The following LCLAT1 variants were observed in gnomAD, a reference collection of about 807,000 sequenced individuals.
LCLAT1 encodes the protein lysocardiolipin acyltransferase 1, also known as 1-AGP acyltransferase 8.
Under a neutral mutation model 30.7 loss-of-function variants are expected in LCLAT1, and 11 were observed. The observed-to-expected ratio is 0.36, with a 90% confidence interval of 0.23 to 0.59. The LOEUF (loss-of-function observed/expected upper bound fraction) is 0.59. Ranked by LOEUF, LCLAT1 falls within the 20% of genes least tolerant of loss-of-function variation. The pLI, the probability that LCLAT1 is intolerant of heterozygous loss-of-function variation, is 0.77. For missense variants in LCLAT1, 402 were observed against 458.6 expected (o/e 0.88, Z 1.13); for synonymous variants, 155 against 151.3 (o/e 1.02, Z -0.18).
chr2:30,450,780 G>T (rs1357414968), intron 1 of LCLAT1, among the ~76,000 whole-genome samples: 1 of 152,280 alleles, frequency 6.6e-6, no homozygotes, highest in East Asian at 1.9e-4. Context: ...GCAAATAAAG[G>T]ACTAGTGCCT....
At chr2:30,617,797 GGT>G (rs376321480) in intron 5 of LCLAT1, among the ~76,000 whole-genome samples, 2 of 152,050 alleles carry the variant, frequency 1.3e-5, no homozygotes, top group African/African-American at 4.8e-5. Flanking sequence ...TACCTTCACT[GGT>G]GATATGTTAA....
intron 5 of LCLAT1, among the ~76,000 whole-genome samples, chr2:30,602,735 T>TGGTGTAAAGTTTA (rs70962284): frequency 0.24 from 36,102 of 151,932 alleles, 5,225 homozygotes; most frequent in East Asian, 0.52. Flanking sequence ...GTGTTTCTAA[T>TGGTGTAAAGTTTA]GGTGTAAAGT....
chr2:30,637,680 C>T (rs1669101837), intron 5 of LCLAT1, among the ~76,000 whole-genome samples: 1 of 152,138 alleles, frequency 6.6e-6, no homozygotes. Flanking sequence ...CGGGTTCAAG[C>T]AATTCTCCTG....
At chr2:30,476,600 A>G (rs968935443) in intron 1 of LCLAT1, 1 of 447,866 alleles carries the variant, frequency 2.2e-6, no homozygotes, top group African/African-American at 2.0e-5. Flanking sequence ...GTCTCAGGAA[A>G]ACAAGCTCAG....
intron 5 of LCLAT1, among the ~76,000 whole-genome samples, chr2:30,613,421 T>C (rs1218529018): frequency 4.6e-5 from 7 of 151,830 alleles, no homozygotes; most frequent in African/African-American, 1.7e-4. Flanking sequence ...GAGGTAAAAT[T>C]AGTGAGGTTG....
At chr2:30,576,977 T>C (rs937101838) in intron 5 of LCLAT1, among the ~76,000 whole-genome samples, 3 of 151,974 alleles carry the variant, frequency 2.0e-5, no homozygotes, top group Non-Finnish European at 4.4e-5. Context: ...GTAAAAAATA[T>C]GAAACTAAAT....
At chr2:30,478,682 G>GGT (rs1325666816) in intron 1 of LCLAT1, among the ~76,000 whole-genome samples, 49 of 115,676 alleles carry the variant, frequency 4.2e-4, no homozygotes, top group African/African-American at 1.3e-3. Context: ...TAAATAAATA[G>GGT]ATAGATAGGT....
intron 5 of LCLAT1, among the ~76,000 whole-genome samples, chr2:30,623,046 A>ATTTTTTTTTTTTTTTTTTTTTTTTT (rs34283582): frequency 2.4e-5 from 2 of 83,240 alleles, no homozygotes; most frequent in Non-Finnish European, 2.2e-5. Flanking sequence ...AATTCAAAGA[A>ATTTTTTTTTTTTTTTTTTTTTTTTT]TTTTTTTTTT....
chr2:30,515,044 A>G (rs829637), intron 1 of LCLAT1, among the ~76,000 whole-genome samples: 133,095 of 151,852 alleles, frequency 0.88, 58,711 homozygotes, highest in African/African-American at 0.96. Context: ...CCGCTCCCCC[A>G]CTGCCCCCAT....
chr2:30,597,265 C>A (rs938533158), intron 5 of LCLAT1, among the ~76,000 whole-genome samples: 1 of 151,768 alleles, frequency 6.6e-6, no homozygotes, highest in Non-Finnish European at 1.5e-5. Context: ...TTGATTCTTC[C>A]AATCCATGAG....
chr2:30,489,182 C>T (rs184727578), intron 1 of LCLAT1: 1 of 152,174 alleles, frequency 6.6e-6, no homozygotes, highest in African/African-American at 2.4e-5. Context: ...TAGCAGCATT[C>T]CCCTCTCCAC....
intron 5 of LCLAT1, among the ~76,000 whole-genome samples, chr2:30,596,643 T>C (rs889689715): frequency 6.6e-6 from 1 of 151,796 alleles, no homozygotes; most frequent in Non-Finnish European, 1.5e-5. Flanking sequence ...GCCCTTTAGT[T>C]TAATCAGATC....
chr2:30,627,696 T>C (rs1427945179), intron 5 of LCLAT1, among the ~76,000 whole-genome samples: 2 of 152,212 alleles, frequency 1.3e-5, no homozygotes, highest in Non-Finnish European at 2.9e-5. Context: ...TTCTTTCTTT[T>C]TTCCTTTTAA....
At chr2:30,554,225 A>G (rs566627802) in intron 3 of LCLAT1, among the ~76,000 whole-genome samples, 40 of 152,368 alleles carry the variant, frequency 2.6e-4, no homozygotes, top group African/African-American at 9.4e-4. Context: ...CTTGCAATGC[A>G]GAAATACATT....
At chr2:30,459,717 C>T in intron 1 of LCLAT1, 1 of 1,610,512 alleles carries the variant, frequency 6.2e-7, no homozygotes, top group Non-Finnish European at 8.5e-7. Context: ...ACTCTAAAAG[C>T]TTTGGGTAAG....
At chr2:30,464,058 C>A (rs1380829219) in intron 1 of LCLAT1, among the ~76,000 whole-genome samples, 1 of 152,142 alleles carries the variant, frequency 6.6e-6, no homozygotes, top group Admixed American at 6.5e-5. Flanking sequence ...TAAAAGGGCT[C>A]TATCAGTTGA....
intron 5 of LCLAT1, among the ~76,000 whole-genome samples, chr2:30,621,867 T>A (rs563587461): frequency 6.6e-6 from 1 of 152,252 alleles, no homozygotes; most frequent in Admixed American, 6.5e-5. Flanking sequence ...AGCTGAACTT[T>A]GTAACAACTT....
intron 1 of LCLAT1, among the ~76,000 whole-genome samples, chr2:30,450,598 A>G (rs1681497552): frequency 6.6e-6 from 1 of 152,234 alleles, no homozygotes; most frequent in Non-Finnish European, 1.5e-5. Flanking sequence ...TGGTTTCTCT[A>G]GTTTTAAAGC....
intron 1 of LCLAT1, among the ~76,000 whole-genome samples, chr2:30,524,700 T>C (rs1328355108): frequency 6.6e-6 from 1 of 152,212 alleles, no homozygotes; most frequent in Non-Finnish European, 1.5e-5. Flanking sequence ...GGTGATCAGA[T>C]TGACTGTCGA....
Sources: gnomAD v4.1 joint callset for allele counts (sites outside exome capture counted in the v4.1 genomes callset) on GRCh38, gnomAD v4.1.1 for gene constraint, MANE v1.5 for transcripts, NCBI Gene and HGNC (gene_info 2026-07-23, HGNC 2026-07-21) for gene names.